LONRF1: variants seen among roughly 807,000 people sequenced by gnomAD.
LONRF1 encodes the protein LON peptidase N-terminal domain and RING finger protein 1.
A neutral mutation model predicts 85.8 loss-of-function variants in LONRF1; 37 were observed. The ratio of observed to expected loss-of-function variants is 0.43; its 90% confidence interval spans 0.33 to 0.57. The LOEUF is 0.57. Ranked by LOEUF, LONRF1 falls within the 20% of genes least tolerant of loss-of-function variation. The pLI is 0.04. For missense variants in LONRF1, 1,036 were observed against 978.0 expected, an observed-to-expected ratio of 1.06 and a Z score of -0.79; for synonymous variants, 517 against 390.1, an observed-to-expected ratio of 1.33 and a Z score of -3.83.
At chr8:12,744,908 C>T (rs1417457920) in intron 1 of LONRF1, among the ~76,000 whole-genome samples, 1 of 151,728 alleles carries the variant, frequency 6.6e-6, no homozygotes, top group Non-Finnish European at 1.5e-5. Context: ...TCTTATACAT[C>T]AAGTTCTCAC....
At chr8:12,751,290 T>G (rs896090654) in intron 1 of LONRF1, among the ~76,000 whole-genome samples, 17 of 116,822 alleles carry the variant, frequency 1.5e-4, no homozygotes, top group African/African-American at 4.5e-4. Flanking sequence ...ATATTTTTAT[T>G]TTTATGTTTT....
At chr8:12,725,333 G>T (rs377582280) in intron 11 of LONRF1, among the ~76,000 whole-genome samples, 2 of 152,212 alleles carry the variant, frequency 1.3e-5, no homozygotes, top group African/African-American at 2.4e-5. Flanking sequence ...ATAGAAAATG[G>T]TAAGTCTCTC....
chr8:12,727,381 A>G (rs1798352656), intron 10 of LONRF1: 1 of 151,490 alleles, frequency 6.6e-6, no homozygotes, highest in Non-Finnish European at 1.5e-5. Context: ...GAAGTCACAG[A>G]AAACAGAATT....
rs79516924 is a variant in LONRF1, at chr8:12,753,163, T to C, written c.721+1537A>G. ...TTGTTCTGAGCCTACCTTTCTATTT[T>C]ATACCTGCCTACTCCTCACGAAGGC... On this transcript the variant is annotated intron_variant, in intron 1 of 11. Transcript: ENST00000398246. The C allele has an allele frequency of 9.2e-5, 14 of 152,286 alleles. No homozygotes were observed. In the East Asian group the frequency reaches 2.7e-3, roughly 29 times the overall value. 9.4% of individuals were successfully genotyped at this position (152,286 alleles called of 1,614,324 possible). A position where few individuals can be genotyped will look rare whatever the true frequency, so the allele number is the denominator to read the frequency against.
Position 12,738,136 on chromosome 8 carries a change from A to C in LONRF1, c.972T>G (p.Cys324Trp), listed in dbSNP as rs769062229. The change falls in exon 4 of 12, where the codon TGT becomes TGG. Residue 324 changes from cysteine to tryptophan, a missense_variant. Physicochemically the swap from Cys to Trp is radical, Grantham distance 215. Coordinates refer to ENST00000398246, the MANE Select transcript of LONRF1 (RefSeq NM_152271.5). ...PAKLQVQKIL[C>W]DLLLPENLKE... is the part of the protein sequence containing the mutation. ...TTAAGTTTTCAGGTAATAATAAATC[A>C]CATAAAATCTGTAAGAGAAATATTA... is the stretch of plus-strand genomic sequence containing the variant. The C allele has an allele frequency of 1.3e-6, 2 of 1,548,966 alleles. No individual in the cohort carries two copies. Among genetic ancestry groups the C allele is most frequent in the Non-Finnish European group, 1.8e-6 (2 of 1,138,508 alleles).
At chr8:12,751,647 C>G (rs1799409558) in intron 1 of LONRF1, among the ~76,000 whole-genome samples, 1 of 150,682 alleles carries the variant, frequency 6.6e-6, no homozygotes, top group Non-Finnish European at 1.5e-5. Context: ...TTTCCTTACC[C>G]AAATATTTTA....
intron 7 of LONRF1, among the ~76,000 whole-genome samples, chr8:12,733,612 C>T (rs954039888): frequency 2.6e-5 from 4 of 151,906 alleles, no homozygotes; most frequent in South Asian, 2.1e-4. Context: ...ATAATATCTT[C>T]GATTACATAA....
chr8:12,754,345 G>C, intron 1 of LONRF1: 1 of 186,648 alleles, frequency 5.4e-6, no homozygotes, highest in Non-Finnish European at 1.1e-5. Context: ...GCGGCCGCTC[G>C]GGATAGCCCA....
chr8:12,726,926 G>GTA (rs1412955373), intron 10 of LONRF1, among the ~76,000 whole-genome samples: 1 of 152,032 alleles, frequency 6.6e-6, no homozygotes, highest in East Asian at 1.9e-4. Flanking sequence ...TGTACTTAAT[G>GTA]CCACTGTGTG....
chr8:12,740,837 C>G (rs563721507), intron 3 of LONRF1, 37 bp downstream of exon 3: 1 of 1,603,392 alleles, frequency 6.2e-7, no homozygotes, highest in African/African-American at 1.3e-5. Flanking sequence ...TGCCTCTTAG[C>G]CCTACCATGA....
chr8:12,739,618 G>T (rs193166900), intron 3 of LONRF1, among the ~76,000 whole-genome samples: 63 of 152,208 alleles, frequency 4.1e-4, no homozygotes, highest in Admixed American at 4.1e-3. Context: ...TTTATTATAT[G>T]TAAATTATAC....
intron 7 of LONRF1, among the ~76,000 whole-genome samples, chr8:12,733,762 A>G (rs561552019): frequency 2.0e-5 from 3 of 152,316 alleles, no homozygotes; most frequent in African/African-American, 7.2e-5. Flanking sequence ...CAATGTATCT[A>G]AAATAGATGG....
chr8:12,727,218 A>G (rs576748243), intron 10 of LONRF1: 10 of 148,926 alleles, frequency 6.7e-5, no homozygotes, highest in South Asian at 2.2e-4. Context: ...AACAATTATA[A>G]GCGTCAGTGA....
rs1237254983 is a variant in LONRF1 at position 12,755,205 on chromosome 8, C to T, written c.216G>A (p.Ala72=). Residue 72 remains alanine, a synonymous_variant, in exon 1 of 12, where the codon GCG becomes GCA. Transcript: ENST00000398246. ...CCGGGGCCCCGCGGCGCAGCGCCGC[C>T]GCGAACGCCTCCAGCGCGCCCTTCA... ...GHLKGALEAF[A]AALRRGAPAR... 7.8e-7 allele frequency: 1 copy of T among 1,280,796 alleles called. No homozygotes were observed. Among genetic ancestry groups the T allele is most frequent in the South Asian group, 2.6e-5 (1 of 38,560 alleles). The allele number at this position is 1,280,796 out of a possible 1,614,324, so 79.3% of individuals were successfully genotyped here. A position where few individuals can be genotyped will look rare whatever the true frequency, so the allele number is the denominator to read the frequency against.
chr8:12,738,055 A>C lies in LONRF1; in HGVS notation c.1053T>G (p.Pro351=). Residue 351 remains proline (P), a synonymous_variant, in exon 4 of 12, where the codon CCT becomes CCG. Transcript: ENST00000398246. ...CTTCCATCACTGAATGAAAATCAAA[A>C]GGTCTGTTTTTAGTACATGGTAATG... The part of the protein sequence containing the change: ...WSSLPCTKNR[P]FDFHSVMEES... The C allele has an allele frequency of 1.2e-6, 2 of 1,610,736 alleles. No homozygotes were observed. The highest frequency in any genetic ancestry group is 8.5e-7 in the Non-Finnish European group (1 of 1,178,578).
intron 1 of LONRF1, 40 bp downstream of exon 1, chr8:12,754,660 G>C (rs1799558716): frequency 2.3e-6 from 3 of 1,298,642 alleles, no homozygotes; most frequent in South Asian, 4.8e-5. Context: ...GGCCAGGAGG[G>C]TGCGGTCGGC....
At chr8:12,745,749 G>C (rs563663308) in intron 1 of LONRF1, among the ~76,000 whole-genome samples, 3 of 152,176 alleles carry the variant, frequency 2.0e-5, no homozygotes, top group Admixed American at 2.0e-4. Flanking sequence ...TCAAAATTTT[G>C]ACAACATTGA....
At position 12,729,167 on chromosome 8, in the gene LONRF1, A is replaced by G; in HGVS notation, c.1847+7T>C. On this transcript the variant is annotated splice_region_variant and intron_variant, in intron 9 of 11. Coordinates refer to ENST00000398246, the MANE Select transcript of LONRF1 (RefSeq NM_152271.5). ...AATACAAATATTTAGGTTCACAAAA[A>G]GCATACCTATTTTGTGTATCACTGA... 2 of 1,613,708 alleles carry G rather than the reference A, an allele frequency of 1.2e-6. No individual in the cohort carries two copies. The highest frequency in any genetic ancestry group is 8.5e-7 in the Non-Finnish European group (1 of 1,179,720).
chr8:12,732,032 C>T (rs533847032), intron 7 of LONRF1, among the ~76,000 whole-genome samples, 175 bp from the exon 8 acceptor site: 1 of 152,180 alleles, frequency 6.6e-6, no homozygotes, highest in African/African-American at 2.4e-5. Context: ...CTGTCTGAGG[C>T]TTTGCACAAG....
Sources: allele counts gnomAD v4.1 joint callset (sites outside exome capture counted in the v4.1 genomes callset), GRCh38; gene constraint gnomAD v4.1.1; transcripts MANE v1.5; gene names NCBI Gene and HGNC (gene_info 2026-07-23, HGNC 2026-07-21).